Variants in ZBTB8A observed in about 807,000 individuals in gnomAD.
ZBTB8A encodes the protein zinc finger and BTB domain-containing protein 8A.
Under a neutral mutation model 37.8 loss-of-function variants are expected in ZBTB8A, and 19 were observed. The observed-to-expected ratio is 0.50, with a 90% CI of 0.35 to 0.74. The LOEUF (loss-of-function observed/expected upper bound fraction) is 0.74. ZBTB8A is among the 30% of genes least tolerant of loss of function. The pLI, the probability that ZBTB8A is intolerant of heterozygous loss-of-function variation, is 0.01. For synonymous variants in ZBTB8A, 181 were observed against 185.2 expected (o/e 0.98, Z 0.19); for missense variants, 394 against 537.8 (o/e 0.73, Z 2.65).
chr1:32,597,764 T>G (rs893362157), intron 4 of ZBTB8A, among the ~76,000 whole-genome samples: 7 of 152,172 alleles, frequency 4.6e-5, no homozygotes, highest in Non-Finnish European at 1.0e-4. Flanking sequence ...TTTGTTTGTT[T>G]TTTGAGACAG....
chr1:32,593,704 T>C lies in ZBTB8A; in HGVS notation c.773T>C (p.Val258Ala), dbSNP rs1644507775. 1 of 1,614,122 alleles carries C rather than the reference T, an allele frequency of 6.2e-7. No individual in the cohort carries two copies. Among genetic ancestry groups the C allele is most frequent in the Non-Finnish European group, 8.5e-7 (1 of 1,180,008 alleles). ...GATGCTGAAATGGACTCTACTCCTG[T>C]TGGCTATCAGTACGGTCAAGGATCT... is the stretch of plus-strand genomic sequence containing the variant. ...QIDAEMDSTP[V>A]GYQYGQGSDV... Residue 258 changes from valine (V) to alanine (A), a missense_variant, in exon 3 of 5, where the codon GTT becomes GCT. Physicochemically the swap from Val to Ala is moderately conservative, Grantham distance 64. Coordinates refer to ENST00000373510, the MANE Select transcript of ZBTB8A (RefSeq NM_001040441.3).
chr1:32,565,469 C>T (rs781664281), intron 2 of ZBTB8A, among the ~76,000 whole-genome samples: 1 of 151,886 alleles, frequency 6.6e-6, no homozygotes, highest in Non-Finnish European at 1.5e-5. Flanking sequence ...ACCTGAGCAA[C>T]ATAGCAAGAC....
At chr1:32,559,059 GTTAT>G (rs1265959133) in intron 2 of ZBTB8A, among the ~76,000 whole-genome samples, 1 of 152,146 alleles carries the variant, frequency 6.6e-6, no homozygotes, top group Non-Finnish European at 1.5e-5. Context: ...TTTACCCACT[GTTAT>G]TTATGCTGCT....
At chr1:32,544,763 T>C (rs558716682) in intron 1 of ZBTB8A, among the ~76,000 whole-genome samples, 12 of 152,142 alleles carry the variant, frequency 7.9e-5, no homozygotes, top group Non-Finnish European at 1.6e-4. Flanking sequence ...TATAATCTTA[T>C]GGGACCACCG....
intron 2 of ZBTB8A, among the ~76,000 whole-genome samples, chr1:32,565,960 G>A (rs1468681090): frequency 1.3e-5 from 2 of 152,210 alleles, no homozygotes; most frequent in East Asian, 3.9e-4. Context: ...TCAGCACTTT[G>A]GGAGGCTGAG....
intron 1 of ZBTB8A, among the ~76,000 whole-genome samples, chr1:32,549,668 T>C (rs747931614): frequency 1.6e-4 from 24 of 152,026 alleles, no homozygotes; most frequent in Non-Finnish European, 3.4e-4. Flanking sequence ...AGTTCGAGTT[T>C]ACGGTGAGCT....
Position 32,600,857 on chromosome 1 carries a change from A to C in ZBTB8A, c.*438A>C, listed in dbSNP as rs190696413. ...CCAATGTTTAATTTCACAGGGAACC[A>C]GTTAAGAGCACATTTAAGGATCTGG... is the stretch of plus-strand genomic sequence containing the variant. On this transcript the variant is annotated 3_prime_UTR_variant, in exon 5 of 5. Transcript: ENST00000373510. 537 of 162,022 alleles carry C rather than the reference A, an allele frequency of 3.3e-3. 3 individuals carry two copies. Among genetic ancestry groups the C allele is most frequent in the Admixed American group, 0.012 (196 of 16,868 alleles). 10.0% of individuals were successfully genotyped at this position (162,022 alleles called of 1,614,324 possible). A position where few individuals can be genotyped will look rare whatever the true frequency, so the allele number is the denominator to read the frequency against.
In ZBTB8A at chr1:32,605,011, C is replaced by T. The variant is rs899172815; in HGVS notation, c.*4592C>T. On this transcript the variant is annotated 3_prime_UTR_variant, in exon 5 of 5. Transcript: ENST00000373510. Reference sequence around the variant, plus strand: ...AGTAAAAATACAAAAAATAGCTGGGCATGATGGTGGGTGCCTGTAATCCCA... The same window carrying T: ...AGTAAAAATACAAAAAATAGCTGGGTATGATGGTGGGTGCCTGTAATCCCA... 4 of 151,758 alleles carry T rather than the reference C, an allele frequency of 2.6e-5. No individual in the cohort carries two copies. Among genetic ancestry groups the T allele is most frequent in the African/African-American group, 9.7e-5 (4 of 41,312 alleles). The allele number at this position is 151,758 out of a possible 1,614,324, so 9.4% of individuals were successfully genotyped here.
rs772814653 is a variant in ZBTB8A, at chr1:32,593,279, T to C, written c.348T>C (p.Thr116=). The change falls in exon 3 of 5, where the codon ACT becomes ACC. Residue 116 remains threonine, a synonymous_variant. Transcript: ENST00000373510. ...QMTDVISVCK[T]FIKSSLDISE... ...CTGATGTCATAAGTGTATGTAAGAC[T>C]TTTATTAAATCTTCCTTAGACATTA... 4.1e-5 allele frequency: 66 copies of C among 1,614,068 alleles called. No homozygotes were observed. Among genetic ancestry groups the C allele is most frequent in the Non-Finnish European group, 5.5e-5 (65 of 1,180,056 alleles).
At chr1:32,594,723 G>A (rs1255363013) in intron 3 of ZBTB8A, among the ~76,000 whole-genome samples, 1 of 149,038 alleles carries the variant, frequency 6.7e-6, no homozygotes, top group Non-Finnish European at 1.5e-5. Context: ...TGGAGATTGC[G>A]CCATTGCACT....
At chr1:32,557,301 T>A (rs923767879) in intron 2 of ZBTB8A, among the ~76,000 whole-genome samples, 1 of 152,162 alleles carries the variant, frequency 6.6e-6, no homozygotes, top group Non-Finnish European at 1.5e-5. Flanking sequence ...GACTCCCATC[T>A]CAAAAAGATG....
intron 2 of ZBTB8A, among the ~76,000 whole-genome samples, chr1:32,576,928 A>C (rs970638367): frequency 2.0e-5 from 3 of 146,388 alleles, no homozygotes. Context: ...GCTGGAGTGC[A>C]GTGGCATGAT....
chr1:32,581,275 A>G (rs935526930), intron 2 of ZBTB8A, among the ~76,000 whole-genome samples: 2 of 55,608 alleles, frequency 3.6e-5, no homozygotes, highest in African/African-American at 1.3e-4. Flanking sequence ...ATATAATAAT[A>G]CAATATTAAT....
chr1:32,539,890 T>G (rs1644037867), intron 1 of ZBTB8A, among the ~76,000 whole-genome samples: 1 of 149,434 alleles, frequency 6.7e-6, no homozygotes, highest in African/African-American at 2.4e-5. Flanking sequence ...CGGGCGTGTC[T>G]GGAGCCGTCG....
chr1:32,594,535 G>A (rs938607194), intron 3 of ZBTB8A, among the ~76,000 whole-genome samples: 2 of 152,004 alleles, frequency 1.3e-5, no homozygotes, highest in Non-Finnish European at 2.9e-5. Context: ...GGCTGAGGCG[G>A]GCAGATCATG....
intron 2 of ZBTB8A, among the ~76,000 whole-genome samples, chr1:32,583,234 G>A (rs895925812): frequency 3.9e-5 from 6 of 151,934 alleles, no homozygotes; most frequent in African/African-American, 1.5e-4. Context: ...CAGAAAATTA[G>A]CCAGGCATGG....
chr1:32,582,845 C>T (rs1195454732), intron 2 of ZBTB8A, among the ~76,000 whole-genome samples: 3 of 152,040 alleles, frequency 2.0e-5, no homozygotes, highest in African/African-American at 4.8e-5. Context: ...GGTCTTTGGG[C>T]GCATAATGAG....
chr1:32,548,789 A>G (rs1024323475), intron 1 of ZBTB8A, among the ~76,000 whole-genome samples: 2 of 152,234 alleles, frequency 1.3e-5, no homozygotes, highest in African/African-American at 4.8e-5. Flanking sequence ...AGGCACTGTT[A>G]TAAGCACGTT....
At chr1:32,551,422 A>T (rs77955253) in intron 1 of ZBTB8A, among the ~76,000 whole-genome samples, 4 of 147,872 alleles carry the variant, frequency 2.7e-5, no homozygotes, top group African/African-American at 1.0e-4. Context: ...ACTCTCTCTC[A>T]AAAAAAAAAG....
Sources: allele counts gnomAD v4.1 joint callset (sites outside exome capture counted in the v4.1 genomes callset), GRCh38; gene constraint gnomAD v4.1.1; transcripts MANE v1.5; gene names NCBI Gene and HGNC (gene_info 2026-07-23, HGNC 2026-07-21).